MICAL2: variants seen among roughly 807,000 people sequenced by gnomAD.
MICAL2 encodes [F-actin]-monooxygenase MICAL2.
A neutral mutation model predicts 127.3 loss-of-function variants in MICAL2; 77 were observed. The observed-to-expected ratio is 0.60, with a 90% CI of 0.50 to 0.73. MICAL2 has a LOEUF of 0.73. Ranked by LOEUF, MICAL2 falls within the 30% of genes least tolerant of loss-of-function variation. The probability of loss-of-function intolerance (pLI) is 0.00; values close to 1 mark genes in which losing one functional copy is unlikely to be tolerated. For synonymous variants in MICAL2, 570 were observed against 551.1 expected, an observed-to-expected ratio of 1.03 and a Z score of -0.48; for missense variants, 1,351 against 1,434.4, an observed-to-expected ratio of 0.94 and a Z score of 0.94.
chr11:12,241,920 GTTTTTT>G (rs909356355), intron 18 of MICAL2, among the ~76,000 whole-genome samples: 2 of 151,164 alleles, frequency 1.3e-5, no homozygotes, highest in Admixed American at 1.3e-4. Context: ...AGGCTTGGGT[GTTTTTT>G]TTTAAGTACC....
At chr11:12,112,618 C>G (rs1849695354) in intron 1 of MICAL2, among the ~76,000 whole-genome samples, 1 of 151,926 alleles carries the variant, frequency 6.6e-6, no homozygotes, top group South Asian at 2.1e-4. Flanking sequence ...TTGAACATAC[C>G]TCTATAAAAA....
intron 1 of MICAL2, among the ~76,000 whole-genome samples, chr11:12,125,263 C>A (rs886665973): frequency 2.0e-5 from 3 of 152,062 alleles, no homozygotes; most frequent in Non-Finnish European, 4.4e-5. Flanking sequence ...AGCTGTACAT[C>A]TTTTTTTTGA....
intron 3 of MICAL2, among the ~76,000 whole-genome samples, chr11:12,168,145 T>TACAC (rs3044619): frequency 0.06 from 8,790 of 146,158 alleles, 357 homozygotes; most frequent in Admixed American, 0.12. Context: ...CTACAGCAAA[T>TACAC]ACACACACAC....
chr11:12,294,315 G>A (rs1863945914), downstream of MICAL2: 2 of 1,614,194 alleles, frequency 1.2e-6, no homozygotes. Context: ...AAGAAGGCCT[G>A]GGCCAAGCAA....
At chr11:12,287,398 G>T, downstream of MICAL2, 1 of 345,190 alleles carries the variant, frequency 2.9e-6, no homozygotes. Context: ...CCCTGGCTCA[G>T]GAATTATGGA....
intron 3 of MICAL2, among the ~76,000 whole-genome samples, chr11:12,178,999 C>T (rs1256328381): frequency 6.6e-6 from 1 of 152,196 alleles, no homozygotes; most frequent in Non-Finnish European, 1.5e-5. Flanking sequence ...AGTGATCACA[C>T]CTGCCAGCCT....
Position 12,192,544 on chromosome 11 carries a change from C to T in MICAL2, c.265-11706C>T, listed in dbSNP as rs561085165. On this transcript the variant is annotated intron_variant, in intron 3 of 27. Transcript: ENST00000683283. ...ATCTCAACACTTTGGGAGGCTGAGG[C>T]GGGCGGGTGAATCACTTGAAGTCAG... Among the ~76,000 whole-genome samples the T allele has an allele frequency of 6.6e-5, 10 of 152,238 alleles. No homozygotes were observed. The South Asian group carries it at 1.0e-3, about 16-fold the overall frequency.
At chr11:12,322,453 T>C (rs1864309596) in intron 30 of MICAL2, among the ~76,000 whole-genome samples, 1 of 152,198 alleles carries the variant, frequency 6.6e-6, no homozygotes, top group South Asian at 2.1e-4. Flanking sequence ...TAAGTTGAGT[T>C]CTGAGAGTAA....
At chr11:12,260,919 A>G (rs1590697261) in intron 26 of MICAL2, 1 of 985,410 alleles carries the variant, frequency 1.0e-6, no homozygotes, top group Non-Finnish European at 1.2e-6. Flanking sequence ...TTCCCTTCCC[A>G]CTAATGGGCA....
At chr11:12,150,320 G>A (rs1853428042) in intron 2 of MICAL2, among the ~76,000 whole-genome samples, 1 of 152,068 alleles carries the variant, frequency 6.6e-6, no homozygotes, top group African/African-American at 2.4e-5. Context: ...GAGGTCAAAT[G>A]GTACAGTTCT....
At chr11:12,111,593 C>G (rs11826169) in intron 1 of MICAL2, among the ~76,000 whole-genome samples, 5,780 of 152,302 alleles carry the variant, frequency 0.038, 344 homozygotes, top group African/African-American at 0.12. Context: ...ATTGTTTATT[C>G]TGAGGCCTGG....
intron 3 of MICAL2, among the ~76,000 whole-genome samples, chr11:12,171,720 A>G (rs1444219710): frequency 6.7e-6 from 1 of 148,194 alleles, no homozygotes; most frequent in Non-Finnish European, 1.5e-5. Flanking sequence ...AGGAGAAGTG[A>G]GGAGAGAGGC....
At chr11:12,185,808 C>T (rs564569619) in intron 3 of MICAL2, among the ~76,000 whole-genome samples, 1 of 152,220 alleles carries the variant, frequency 6.6e-6, no homozygotes, top group Non-Finnish European at 1.5e-5. Context: ...CTGGAGGAAG[C>T]CAAAGTGACC....
intron 29 of MICAL2, among the ~76,000 whole-genome samples, chr11:12,298,816 C>A (rs1418211221): frequency 6.6e-6 from 1 of 152,010 alleles, no homozygotes; most frequent in Non-Finnish European, 1.5e-5. Flanking sequence ...GGTATTGAAC[C>A]ATCCTTGCAT....
chr11:12,289,657 C>T (rs1306812478), downstream of MICAL2, among the ~76,000 whole-genome samples: 1 of 150,928 alleles, frequency 6.6e-6, no homozygotes, highest in African/African-American at 2.4e-5. Context: ...CAATCTCCGC[C>T]TCCCAGGTTC....
intron 3 of MICAL2, among the ~76,000 whole-genome samples, chr11:12,169,489 G>T (rs1855973881): frequency 1.3e-5 from 2 of 152,162 alleles, no homozygotes; most frequent in Non-Finnish European, 2.9e-5. Context: ...AGGTTCAAGT[G>T]ATTCTCTTGC....
At chr11:12,276,271 G>A in intron 1 of MICAL2, 1 of 397,960 alleles carries the variant, frequency 2.5e-6, no homozygotes, top group Admixed American at 4.4e-5. Context: ...TGGCCTCTCT[G>A]TGCCTCCATT....
At chr11:12,131,892 T>C (rs1387409220) in intron 1 of MICAL2, among the ~76,000 whole-genome samples, 1 of 152,228 alleles carries the variant, frequency 6.6e-6, no homozygotes, top group African/African-American at 2.4e-5. Flanking sequence ...CAAAGCACTT[T>C]GCACACAGGT....
Position 12,227,143 on chromosome 11 carries a change from C to A in MICAL2, c.1995+12C>A. 6.3e-7 allele frequency: 1 copy of A among 1,590,686 alleles called. No homozygotes were observed. The highest frequency in any genetic ancestry group is 8.6e-7 in the Non-Finnish European group (1 of 1,159,652). On this transcript the variant is annotated intron_variant, in intron 15 of 27. Coordinates refer to ENST00000683283, the MANE Select transcript of MICAL2 (RefSeq NM_001282663.2). ...AGAGGACTCCACGGGTAAGTTTTGG[C>A]CTGGTTTCGGTTTTATTTCCCATTG... is the stretch of plus-strand genomic sequence containing the variant.
Sources: allele counts gnomAD v4.1 joint callset (sites outside exome capture counted in the v4.1 genomes callset), GRCh38; gene constraint gnomAD v4.1.1; transcripts MANE v1.5; gene names NCBI Gene and HGNC (gene_info 2026-07-23, HGNC 2026-07-21).